The following STIMATE variants were observed in gnomAD, a reference collection of about 807,000 sequenced individuals.
The protein encoded by STIMATE is STIM activating enhancer.
In STIMATE, 15 loss-of-function variants were observed where a neutral mutation model predicts 36.7. The observed-to-expected ratio is 0.41, with a 90% CI of 0.27 to 0.63. The LOEUF (loss-of-function observed/expected upper bound fraction) is 0.63. STIMATE is among the 20% of genes least tolerant of loss of function. STIMATE has a pLI of 0.32. For missense variants in STIMATE, 305 were observed against 397.3 expected (o/e 0.77, Z 1.98); for synonymous variants, 163 against 162.3 (o/e 1.00, Z -0.03).
intron 1 of STIMATE, among the ~76,000 whole-genome samples, chr3:52,889,266 C>T (rs1023427683): frequency 5.9e-5 from 9 of 152,132 alleles, no homozygotes; most frequent in African/African-American, 1.9e-4. Flanking sequence ...TATAGCAAAG[C>T]CCAACCCCTC....
chr3:52,860,181 C>T (rs1031306099), intron 1 of STIMATE, among the ~76,000 whole-genome samples: 1 of 151,312 alleles, frequency 6.6e-6, no homozygotes, highest in South Asian at 2.1e-4. Flanking sequence ...TATTGAGGGG[C>T]CTGCTGTGTG....
At chr3:52,871,215 G>T (rs1424350367) in intron 1 of STIMATE, among the ~76,000 whole-genome samples, 1 of 152,172 alleles carries the variant, frequency 6.6e-6, no homozygotes, top group Non-Finnish European at 1.5e-5. Context: ...TATCTCTGAA[G>T]GGGGACCTTT....
rs149320735 is a variant in STIMATE at position 52,894,331 on chromosome 3, C to T, written c.160+2960G>A. The stretch of plus-strand genomic sequence containing the variant: ...ACATGTGTGTGGGTGGTGCCTGTAA[C>T]AGTCTGCATGTTTATGCAGCTTGAA... On this transcript the variant is annotated intron_variant, in intron 1 of 7. Coordinates refer to ENST00000355083, the MANE Select transcript of STIMATE (RefSeq NM_198563.5). Among the ~76,000 whole-genome samples the T allele has an allele frequency of 1.7e-3, 266 of 152,290 alleles. 7 individuals are homozygous for T. The East Asian group carries it at 0.041, about 24-fold the overall frequency.
chr3:52,891,437 C>T (rs1042080631), intron 1 of STIMATE, among the ~76,000 whole-genome samples: 1 of 152,218 alleles, frequency 6.6e-6, no homozygotes, highest in African/African-American at 2.4e-5. Flanking sequence ...CCACCTACTA[C>T]CATGGGCCCT....
intron 1 of STIMATE, among the ~76,000 whole-genome samples, chr3:52,891,826 T>C (rs1050672677): frequency 6.6e-6 from 1 of 152,200 alleles, no homozygotes. Context: ...AACTCATGAA[T>C]ACAATGTAAT....
At chr3:52,858,056 G>A (rs541948247) in intron 1 of STIMATE, among the ~76,000 whole-genome samples, 41 of 151,996 alleles carry the variant, frequency 2.7e-4, no homozygotes, top group Non-Finnish European at 4.6e-4. Context: ...CAAGGAGAGA[G>A]GCCTTGGAGG....
chr3:52,872,062 C>T (rs1465707782), intron 1 of STIMATE, among the ~76,000 whole-genome samples: 2 of 152,182 alleles, frequency 1.3e-5, no homozygotes, highest in Non-Finnish European at 2.9e-5. Context: ...GTTCCTGTCT[C>T]AGCGCTCAGG....
At chr3:52,862,376 A>T (rs2106687985) in intron 1 of STIMATE, among the ~76,000 whole-genome samples, 1 of 151,806 alleles carries the variant, frequency 6.6e-6, no homozygotes, top group Non-Finnish European at 1.5e-5. Flanking sequence ...CCACCCATCC[A>T]CTCCACCAGC....
chr3:52,849,451 A>G (rs1469111917), intron 4 of STIMATE, among the ~76,000 whole-genome samples: 1 of 152,230 alleles, frequency 6.6e-6, no homozygotes, highest in East Asian at 1.9e-4. Flanking sequence ...TGTGAGCTCT[A>G]CAGGAAGCTT....
rs1359661934 is a variant in STIMATE at position 52,843,287 on chromosome 3, G to A, written c.619-327C>T. On this transcript the variant is annotated intron_variant, in intron 6 of 7. Transcript: ENST00000355083. ...GGCCCCTCCCCACAGACTCCATGTG[G>A]GTGGCCGGCACACCCTGCTGTCATC... The A allele has an allele frequency of 1.7e-5, 7 of 408,056 alleles. No homozygotes were observed. The East Asian group carries it at 3.4e-4, about 20-fold the overall frequency. 25.3% of individuals were successfully genotyped at this position (408,056 alleles called of 1,614,324 possible).
At chr3:52,859,500 T>C (rs1575333653) in intron 1 of STIMATE, among the ~76,000 whole-genome samples, 1 of 7,164 alleles carries the variant, frequency 1.4e-4, no homozygotes, top group African/African-American at 3.2e-4. Context: ...GACCCATTTC[T>C]CCAAAAAAAA....
At chr3:52,843,976 T>C (rs1700852656) in intron 5 of STIMATE, among the ~76,000 whole-genome samples, 178 bp from the exon 6 acceptor site, 1 of 152,214 alleles carries the variant, frequency 6.6e-6, no homozygotes. Context: ...CAAGGAACCC[T>C]TGGAGACCAC....
In STIMATE at chr3:52,843,749, A is replaced by G; in HGVS notation, c.590T>C (p.Val197Ala). The change falls in exon 6 of 8, where the codon GTC (valine) becomes GCC (alanine). Residue 197 changes from valine (V) to alanine (A), a missense_variant. Physicochemically the swap from Val to Ala is moderately conservative, Grantham distance 64. Around this residue, in one of 3 missense-constraint regions of STIMATE, gnomAD observed 164 missense variants for 257.9 expected, o/e 0.64. Transcript: ENST00000355083. ...GACAAAGAAGGGGACGATCAGCATG[A>G]CGATGGCCAGCTTCAAGTCTGGGTT... The part of the protein sequence containing the change: ...IENPDLKLAI[V>A]MLIVPFFVNA... 1 of 1,612,130 alleles carries G rather than the reference A, an allele frequency of 6.2e-7. No individual in the cohort carries two copies. Among genetic ancestry groups the G allele is most frequent in the Non-Finnish European group, 8.5e-7 (1 of 1,178,916 alleles).
At chr3:52,886,727 A>G (rs929357453) in intron 1 of STIMATE, among the ~76,000 whole-genome samples, 1 of 152,238 alleles carries the variant, frequency 6.6e-6, no homozygotes, top group African/African-American at 2.4e-5. Flanking sequence ...TTACAAAGGG[A>G]AAAATTGTAA....
intron 1 of STIMATE, among the ~76,000 whole-genome samples, chr3:52,894,237 G>A (rs1007298896): frequency 6.6e-6 from 1 of 152,140 alleles, no homozygotes; most frequent in Non-Finnish European, 1.5e-5. Context: ...CTTTCCTTGC[G>A]TACACAGGGT....
chr3:52,842,109 T>A (rs1379991910), intron 7 of STIMATE, among the ~76,000 whole-genome samples: 1 of 152,238 alleles, frequency 6.6e-6, no homozygotes, highest in African/African-American at 2.4e-5. Flanking sequence ...CACCTGCACC[T>A]CACCCACGTG....
At chr3:52,851,409 T>C (rs551985651) in intron 3 of STIMATE, among the ~76,000 whole-genome samples, 6 of 152,366 alleles carry the variant, frequency 3.9e-5, no homozygotes, top group East Asian at 3.9e-4. Flanking sequence ...TTGAGACATT[T>C]TGTGTAGTCT....
chr3:52,881,440 G>C (rs1389164187), intron 1 of STIMATE, among the ~76,000 whole-genome samples: 5 of 151,918 alleles, frequency 3.3e-5, no homozygotes, highest in South Asian at 2.1e-4. Context: ...GCGGTGGCTT[G>C]ACGCCTGTAA....
chr3:52,879,765 C>T (rs9860296), intron 1 of STIMATE, among the ~76,000 whole-genome samples: 89,601 of 151,974 alleles, frequency 0.59, 26,985 homozygotes, highest in South Asian at 0.82. Context: ...AGTTTTTCTG[C>T]CCCTCTTGTC....
Sources: allele counts gnomAD v4.1 joint callset (sites outside exome capture counted in the v4.1 genomes callset), GRCh38; gene constraint gnomAD v4.1.1; regional missense constraint gnomAD v4.1.1; transcripts MANE v1.5; gene names NCBI Gene and HGNC (gene_info 2026-07-23, HGNC 2026-07-21).